LIPC: variants seen among roughly 807,000 people sequenced by gnomAD.
LIPC encodes the protein hepatic triacylglycerol lipase.
A neutral mutation model predicts 50.7 loss-of-function variants in LIPC; 44 were observed. That is an observed-to-expected ratio of 0.87 (90% CI 0.68 to 1.11). The LOEUF (loss-of-function observed/expected upper bound fraction) is 1.11. Among genes scored for constraint, LIPC ranks in the 50% most tolerant of loss-of-function variants. LIPC has a pLI of 0.00. For missense variants in LIPC, 697 were observed against 648.2 expected (o/e 1.08, Z -0.82); for synonymous variants, 271 against 256.4 (o/e 1.06, Z -0.54).
chr15:58,544,206 G>A (rs1052126459), intron 4 of LIPC, among the ~76,000 whole-genome samples: 2 of 152,062 alleles, frequency 1.3e-5, no homozygotes, highest in Admixed American at 6.6e-5. Flanking sequence ...CACACCCAGC[G>A]AGGCAGCCTC....
At chr15:58,460,353 T>C (rs1894297822) in intron 1 of LIPC, among the ~76,000 whole-genome samples, 1 of 152,152 alleles carries the variant, frequency 6.6e-6, no homozygotes, top group Admixed American at 6.5e-5. Flanking sequence ...TGGGGCCGAC[T>C]TGGGATGTGG....
At chr15:58,442,799 C>G (rs1160578809) in intron 1 of LIPC, among the ~76,000 whole-genome samples, 2 of 149,970 alleles carry the variant, frequency 1.3e-5, no homozygotes, top group African/African-American at 5.0e-5. Flanking sequence ...GCAGAAGAAG[C>G]CTCCAAACCT....
chr15:58,469,226 C>T (rs1480714131), intron 1 of LIPC, among the ~76,000 whole-genome samples: 1 of 151,572 alleles, frequency 6.6e-6, no homozygotes, highest in African/African-American at 2.4e-5. Flanking sequence ...CATTGAACTC[C>T]TGGCCCAAGT....
intron 1 of LIPC, among the ~76,000 whole-genome samples, chr15:58,534,504 T>C (rs539631047): frequency 4.6e-5 from 7 of 152,346 alleles, no homozygotes; most frequent in South Asian, 4.1e-4. Flanking sequence ...GAATCTCTTA[T>C]AGACTCACGG....
chr15:58,448,404 T>G (rs1893777766), intron 1 of LIPC, among the ~76,000 whole-genome samples: 1 of 152,244 alleles, frequency 6.6e-6, no homozygotes, highest in Admixed American at 6.5e-5. Flanking sequence ...ACAGTCTTCC[T>G]CCTTTCCTTC....
intron 1 of LIPC, among the ~76,000 whole-genome samples, chr15:58,434,535 G>T (rs761780208): frequency 6.6e-6 from 1 of 152,180 alleles, no homozygotes; most frequent in Non-Finnish European, 1.5e-5. Context: ...TACTGAGGCC[G>T]CAGTGCTCTG....
At chr15:58,534,800 G>C (rs528950704) in intron 1 of LIPC, among the ~76,000 whole-genome samples, 1 of 152,142 alleles carries the variant, frequency 6.6e-6, no homozygotes, top group Non-Finnish European at 1.5e-5. Flanking sequence ...ACATTTTTGG[G>C]TGTTAATATT....
At chr15:58,566,306 G>C in intron 8 of LIPC, 1 of 985,466 alleles carries the variant, frequency 1.0e-6, no homozygotes, top group Non-Finnish European at 1.2e-6. Flanking sequence ...AGCCGGCAAA[G>C]CAATATGGCT....
At position 58,563,579 on chromosome 15, in the gene LIPC, T is replaced by A. The variant is rs761668960; in HGVS notation, c.1244T>A (p.Met415Lys). The change falls in exon 8 of 9, where the codon ATG becomes AAG. Residue 415 changes from methionine to lysine, a missense_variant. By Grantham distance (95) the Met-to-Lys change is moderately conservative. Transcript: ENST00000299022. ...GATGTGGATATCGGCGAGCTGATCA[T>A]GATCAAGTTCAAGTGGGAAAACAGT... ...TLDVDIGELI[M>K]IKFKWENSAV... The A allele has an allele frequency of 6.2e-7, 1 of 1,614,238 alleles. No homozygotes were observed. Among genetic ancestry groups the A allele is most frequent in the Non-Finnish European group, 8.5e-7 (1 of 1,180,036 alleles).
Position 58,455,984 on chromosome 15 carries a change from G to A in LIPC, c.88+23864G>A, listed in dbSNP as rs1349553090. On this transcript the variant is annotated intron_variant, in intron 1 of 8. Coordinates refer to ENST00000299022, the MANE Select transcript of LIPC (RefSeq NM_000236.3). ...AGGCATGGTCCAGACCCCAAGGAAGGGAAGGGGGTCAGGGATGGATAGACA... is the reference window on the plus strand; with the variant it reads ...AGGCATGGTCCAGACCCCAAGGAAGAGAAGGGGGTCAGGGATGGATAGACA... 2.6e-5 allele frequency among the ~76,000 whole-genome samples: 4 copies of A among 152,100 alleles called. No homozygotes were observed. In the East Asian group the frequency reaches 7.7e-4, roughly 29 times the overall value.
chr15:58,529,305 C>A (rs1179257422), intron 1 of LIPC, among the ~76,000 whole-genome samples: 1 of 152,192 alleles, frequency 6.6e-6, no homozygotes, highest in East Asian at 1.9e-4. Context: ...CCTGGCCTAA[C>A]CGTGGTCAGA....
intron 1 of LIPC, among the ~76,000 whole-genome samples, chr15:58,449,264 A>C (rs1039260415): frequency 1.3e-4 from 20 of 152,204 alleles, no homozygotes; most frequent in African/African-American, 1.7e-4. Context: ...GCAGCCATCG[A>C]TTAGGACTAA....
intron 1 of LIPC, among the ~76,000 whole-genome samples, chr15:58,448,172 C>T (rs370372673): frequency 4.6e-5 from 7 of 152,180 alleles, no homozygotes; most frequent in African/African-American, 1.7e-4. Flanking sequence ...AATGTTGTCA[C>T]CAAATGGCTG....
chr15:58,567,334 T>TAC (rs1399378260), intron 8 of LIPC, among the ~76,000 whole-genome samples: 2 of 16,622 alleles, frequency 1.2e-4, no homozygotes, highest in East Asian at 2.5e-3. Flanking sequence ...TATATATATA[T>TAC]ATATGTATAT....
chr15:58,474,093 T>C (rs1370802446), intron 1 of LIPC, among the ~76,000 whole-genome samples: 1 of 152,172 alleles, frequency 6.6e-6, no homozygotes, highest in East Asian at 1.9e-4. Flanking sequence ...CCCTTCTACA[T>C]CAATCATCAA....
At chr15:58,462,434 T>C (rs1270126841) in intron 1 of LIPC, among the ~76,000 whole-genome samples, 1 of 152,190 alleles carries the variant, frequency 6.6e-6, no homozygotes, top group African/African-American at 2.4e-5. Context: ...TGATAAAGGC[T>C]TTCAGCACCT....
At chr15:58,543,306 C>G (rs960380838) in intron 4 of LIPC, among the ~76,000 whole-genome samples, 45 of 152,102 alleles carry the variant, frequency 3.0e-4, no homozygotes, top group African/African-American at 1.1e-3. Context: ...CTGAGGCCCA[C>G]TGATACCACA....
intron 8 of LIPC, chr15:58,565,810 A>G (rs1894346118): frequency 3.0e-6 from 3 of 985,298 alleles, no homozygotes; most frequent in Non-Finnish European, 1.2e-6. Context: ...TTAGGGCTGT[A>G]GGAGGTACTG....
At chr15:58,484,932 T>C (rs1241498597) in intron 1 of LIPC, among the ~76,000 whole-genome samples, 3 of 151,886 alleles carry the variant, frequency 2.0e-5, no homozygotes, top group Non-Finnish European at 4.4e-5. Flanking sequence ...AGGAGTGCAA[T>C]GTGTTCCAGG....
Sources: gnomAD v4.1 joint callset for allele counts (sites outside exome capture counted in the v4.1 genomes callset) on GRCh38, gnomAD v4.1.1 for gene constraint, MANE v1.5 for transcripts, NCBI Gene and HGNC (gene_info 2026-07-23, HGNC 2026-07-21) for gene names.